The following SMIM14 variants were observed in gnomAD, a reference collection of about 807,000 sequenced individuals.
The protein encoded by SMIM14 is chromosome 4 open reading frame 34.
In SMIM14, 5 loss-of-function variants were observed where a neutral mutation model predicts 12.6. The ratio of observed to expected loss-of-function variants is 0.40; its 90% CI spans 0.21 to 0.83. The LOEUF (loss-of-function observed/expected upper bound fraction) is 0.83, where lower values mean the gene tolerates loss of function less well. SMIM14 is among the 40% of genes least tolerant of loss of function. SMIM14 has a pLI of 0.37. For missense variants in SMIM14, 86 were observed against 119.1 expected, an observed-to-expected ratio of 0.72 and a Z score of 1.29; for synonymous variants, 30 against 40.1, an observed-to-expected ratio of 0.75 and a Z score of 0.95.
At chr4:39,563,101 G>A (rs1332302561) in intron 3 of SMIM14, among the ~76,000 whole-genome samples, 1 of 150,868 alleles carries the variant, frequency 6.6e-6, no homozygotes, top group African/African-American at 2.4e-5. Flanking sequence ...ACTCTTGCTG[G>A]CCAGGCTGGA....
At chr4:39,632,949 G>GTA (rs764600768) in intron 1 of SMIM14, among the ~76,000 whole-genome samples, 2,710 of 149,710 alleles carry the variant, frequency 0.018, 37 homozygotes, top group Non-Finnish European at 0.022. Flanking sequence ...ATGCAAGTAT[G>GTA]TATATATATA....
In SMIM14 at chr4:39,546,952, T is replaced by C. The variant is rs1445275975; in HGVS notation, c.*5174A>G. The C allele has an allele frequency of 6.6e-6, 1 of 152,240 alleles. No individual in the cohort carries two copies. Among genetic ancestry groups the C allele is most frequent in the Non-Finnish European group, 1.5e-5 (1 of 68,040 alleles). 9.4% of individuals were successfully genotyped at this position (152,240 alleles called of 1,614,324 possible). A position where few individuals can be genotyped will look rare whatever the true frequency, so the allele number is the denominator to read the frequency against. ...GGTACAGTGACATGTCTGGTTCCTT[T>C]TGAGCTAGATATATCTGCTTAAATA... is the stretch of plus-strand genomic sequence containing the variant. On this transcript the variant is annotated 3_prime_UTR_variant, in exon 5 of 5. Transcript: ENST00000295958.
intron 2 of SMIM14, among the ~76,000 whole-genome samples, chr4:39,573,090 ATTATTATTATT>A (rs201421082): frequency 0.011 from 1,712 of 149,314 alleles, 22 homozygotes; most frequent in African/African-American, 0.041. Context: ...TATTATTATT[ATTATTATTATT>A]TTATTATTAT....
chr4:39,595,995 C>A (rs1330458557), intron 2 of SMIM14, among the ~76,000 whole-genome samples: 2 of 152,090 alleles, frequency 1.3e-5, no homozygotes, highest in African/African-American at 4.8e-5. Context: ...GTGGGTAATG[C>A]ATTCACATGG....
intron 2 of SMIM14, among the ~76,000 whole-genome samples, chr4:39,579,271 G>A (rs1358883682): frequency 6.6e-6 from 1 of 151,598 alleles, no homozygotes; most frequent in Non-Finnish European, 1.5e-5. Flanking sequence ...TTATCTGGAT[G>A]TGGTGATGTG....
At chr4:39,561,233 A>G (rs1184089188) in intron 3 of SMIM14, among the ~76,000 whole-genome samples, 3 of 152,194 alleles carry the variant, frequency 2.0e-5, no homozygotes, top group Non-Finnish European at 2.9e-5. Flanking sequence ...TCAGCACTGA[A>G]TAAGTTTCAG....
At chr4:39,576,660 G>GTGTGTATATATATATATATATATCTATA (rs1339477098) in intron 2 of SMIM14, among the ~76,000 whole-genome samples, 1 of 72,378 alleles carries the variant, frequency 1.4e-5, no homozygotes, top group Admixed American at 2.5e-4. Flanking sequence ...GTGTGTATGT[G>GTGTGTATATATATATATATATATCTATA]TATATATATA....
intron 1 of SMIM14, among the ~76,000 whole-genome samples, chr4:39,619,255 T>C (rs1192328430): frequency 6.2e-5 from 8 of 128,892 alleles, no homozygotes; most frequent in African/African-American, 2.3e-4. Context: ...ATTTATTCTA[T>C]ATATCAATAA....
At chr4:39,606,764 T>A (rs778418050) in intron 1 of SMIM14, among the ~76,000 whole-genome samples, 16 of 152,096 alleles carry the variant, frequency 1.1e-4, no homozygotes, top group Admixed American at 3.3e-4. Context: ...GAGACTCTAG[T>A]TCCAAGTATG....
At chr4:39,608,283 C>T (rs1464014057) in intron 1 of SMIM14, among the ~76,000 whole-genome samples, 3 of 152,124 alleles carry the variant, frequency 2.0e-5, no homozygotes, top group Admixed American at 2.0e-4. Flanking sequence ...GTGAGCAAGA[C>T]CCTGTCTGTA....
intron 3 of SMIM14, 131 bp downstream of exon 3, chr4:39,572,277 CTTTTTTT>C (rs71192876): frequency 6.5e-4 from 136 of 210,614 alleles, no homozygotes; most frequent in African/African-American, 2.0e-3. Context: ...GTATGTGTCG[CTTTTTTT>C]TTTTTTTTTT....
At chr4:39,581,514 TTTTC>T (rs1408634449) in intron 2 of SMIM14, among the ~76,000 whole-genome samples, 2 of 147,472 alleles carry the variant, frequency 1.4e-5, no homozygotes, top group East Asian at 4.2e-4. Flanking sequence ...TTCCTTTTCT[TTTTC>T]TTTTTTTTTT....
At chr4:39,570,068 C>A (rs1712806064) in intron 3 of SMIM14, among the ~76,000 whole-genome samples, 1 of 152,210 alleles carries the variant, frequency 6.6e-6, no homozygotes, top group South Asian at 2.1e-4. Context: ...GAGTTCTGAG[C>A]CACTGCTTTG....
In SMIM14 at chr4:39,619,169, A is replaced by C. The variant is rs189913560; in HGVS notation, c.-35-13989T>G. 4.9e-3 allele frequency among the ~76,000 whole-genome samples: 729 copies of C among 148,022 alleles called. 8 individuals are homozygous for C. The highest frequency in any genetic ancestry group is 0.016 in the African/African-American group (640 of 40,772). ...TGAGATAATTATAATTTAATTTATT[A>C]TATATACCAATAAATATAATTTAAT... On this transcript the variant is annotated intron_variant, in intron 1 of 4. Coordinates refer to ENST00000295958, the MANE Select transcript of SMIM14 (RefSeq NM_174921.3).
intron 3 of SMIM14, among the ~76,000 whole-genome samples, chr4:39,567,151 A>G (rs1173214277): frequency 6.7e-6 from 1 of 149,528 alleles, no homozygotes; most frequent in African/African-American, 2.4e-5. Context: ...AAGAAAAAAA[A>G]AAAAAAAAAA....
chr4:39,572,277 C>CT (rs71192876), intron 3 of SMIM14, 138 bp downstream of exon 3: 7,073 of 210,800 alleles, frequency 0.034, 136 homozygotes, highest in Non-Finnish European at 0.045. Flanking sequence ...GTATGTGTCG[C>CT]TTTTTTTTTT....
intron 2 of SMIM14, among the ~76,000 whole-genome samples, chr4:39,582,414 C>T (rs1713556694): frequency 1.3e-5 from 2 of 151,920 alleles, no homozygotes; most frequent in Non-Finnish European, 2.9e-5. Context: ...CCTGTAATCC[C>T]AGCACTTTGG....
At chr4:39,624,097 G>A (rs1020291051) in intron 1 of SMIM14, among the ~76,000 whole-genome samples, 3 of 152,176 alleles carry the variant, frequency 2.0e-5, no homozygotes, top group African/African-American at 7.2e-5. Context: ...TAGTTGGGAT[G>A]ACTTTTATCA....
intron 1 of SMIM14, among the ~76,000 whole-genome samples, chr4:39,617,349 T>C (rs768031199): frequency 1.3e-4 from 20 of 152,200 alleles, no homozygotes; most frequent in Non-Finnish European, 2.5e-4. Context: ...ATTATGTGTT[T>C]TCTGAAATTA....
Sources: gnomAD v4.1 joint callset for allele counts (sites outside exome capture counted in the v4.1 genomes callset) on GRCh38, gnomAD v4.1.1 for gene constraint, MANE v1.5 for transcripts, NCBI Gene and HGNC (gene_info 2026-07-23, HGNC 2026-07-21) for gene names.